CAMTA1: variants seen among roughly 807,000 people sequenced by gnomAD.
CAMTA1 encodes the protein calmodulin binding transcription activator 1, also known as calmodulin-binding transcription activator 1.
In CAMTA1, 27 loss-of-function variants were observed where a neutral mutation model predicts 170.9. The observed-to-expected ratio is 0.16, with a 90% CI of 0.12 to 0.22. The LOEUF (loss-of-function observed/expected upper bound fraction) is 0.22. CAMTA1 is among the 10% of genes least tolerant of loss of function. CAMTA1 has a pLI of 1.00. For synonymous variants in CAMTA1, 833 were observed against 891.5 expected (o/e 0.93, Z 1.17); for missense variants, 1,619 against 2,217.2 (o/e 0.73, Z 5.42).
rs1370391963 is a variant in CAMTA1 at position 6,970,711 on chromosome 1, A to T, written c.235-120593A>T. Among the ~76,000 whole-genome samples, 1 of 152,334 alleles carries T rather than the reference A, an allele frequency of 6.6e-6. No homozygotes were observed. Among genetic ancestry groups the T allele is most frequent in the South Asian group, 2.1e-4 (1 of 4,822 alleles). ...CTAGAGCACCTGTTCAGGACGTATCATCCAGTCCTGGTGGGTCAGGACATT... is the reference window on the plus strand; with the variant it reads ...CTAGAGCACCTGTTCAGGACGTATCTTCCAGTCCTGGTGGGTCAGGACATT... On this transcript the variant is annotated intron_variant, in intron 3 of 22. Coordinates refer to ENST00000303635, the MANE Select transcript of CAMTA1 (RefSeq NM_015215.4). The surrounding 1 kb of genome is among the most constrained non-coding windows in gnomAD (Gnocchi z 4.4).
intron 3 of CAMTA1, among the ~76,000 whole-genome samples, chr1:7,020,629 C>T (rs1434836021): frequency 1.3e-5 from 2 of 152,214 alleles, no homozygotes; most frequent in Admixed American, 6.5e-5. Context: ...GCTCATGCCC[C>T]TCTGAGGGCT....
intron 6 of CAMTA1, among the ~76,000 whole-genome samples, chr1:7,572,159 T>A (rs1315822298): frequency 6.6e-6 from 1 of 152,244 alleles, no homozygotes; most frequent in Non-Finnish European, 1.5e-5. Context: ...TTTGTTCATG[T>A]CCTTTTGCCT....
intron 3 of CAMTA1, among the ~76,000 whole-genome samples, chr1:7,055,263 A>G (rs936119057): frequency 6.6e-6 from 1 of 152,256 alleles, no homozygotes; most frequent in Non-Finnish European, 1.5e-5. Flanking sequence ...TGACCAGCAC[A>G]TAGTATTAAC....
At chr1:7,222,163 C>T (rs1243171461) in intron 4 of CAMTA1, among the ~76,000 whole-genome samples, 8 of 152,166 alleles carry the variant, frequency 5.3e-5, no homozygotes, top group Non-Finnish European at 1.2e-4. Flanking sequence ...CTAAATGAAA[C>T]ACTTTGGGGC....
chr1:7,608,215 A>C (rs2150645345), intron 6 of CAMTA1, among the ~76,000 whole-genome samples: 1 of 152,294 alleles, frequency 6.6e-6, no homozygotes, highest in Non-Finnish European at 1.5e-5. Flanking sequence ...AGGTGACCTG[A>C]GGAAGCTGAT....
chr1:7,243,755 A>G (rs1331592276), intron 4 of CAMTA1, among the ~76,000 whole-genome samples: 1 of 152,160 alleles, frequency 6.6e-6, no homozygotes, highest in Non-Finnish European at 1.5e-5. Flanking sequence ...TTTTTTTCCA[A>G]TTCTGTGAAG....
intron 5 of CAMTA1, among the ~76,000 whole-genome samples, chr1:7,259,675 C>T (rs1429008715): frequency 6.6e-6 from 1 of 152,240 alleles, no homozygotes; most frequent in African/African-American, 2.4e-5. Context: ...TATGACTTGA[C>T]TTCAAGCACC....
chr1:7,139,049 ATATTTATATTTATTATTTGTT>A (rs1192266327), intron 4 of CAMTA1, among the ~76,000 whole-genome samples: 2 of 143,578 alleles, frequency 1.4e-5, no homozygotes, highest in African/African-American at 5.1e-5. Flanking sequence ...TTATAAATAT[ATATTTATATTTATTATTTGTT>A]TATTTATATT....
At chr1:7,181,488 TA>T (rs2148889574) in intron 4 of CAMTA1, among the ~76,000 whole-genome samples, 1 of 152,308 alleles carries the variant, frequency 6.6e-6, no homozygotes, top group Admixed American at 6.5e-5. Context: ...GGGATAACCC[TA>T]GAGAATCAAT....
At chr1:6,885,961 T>C (rs1190767713) in intron 3 of CAMTA1, among the ~76,000 whole-genome samples, 20 of 152,208 alleles carry the variant, frequency 1.3e-4, no homozygotes, top group Non-Finnish European at 2.9e-5. Flanking sequence ...TGGTTCACTC[T>C]TACCCTGGGC....
chr1:7,704,861 C>G (rs1002254255), intron 11 of CAMTA1, among the ~76,000 whole-genome samples: 17 of 146,984 alleles, frequency 1.2e-4, no homozygotes, highest in African/African-American at 4.2e-4. Context: ...TCGGCGCAAG[C>G]CTGACGAGCA....
At chr1:7,571,285 T>C (rs2095122586) in intron 6 of CAMTA1, among the ~76,000 whole-genome samples, 1 of 152,198 alleles carries the variant, frequency 6.6e-6, no homozygotes, top group Non-Finnish European at 1.5e-5. Flanking sequence ...CTCTCAGGCC[T>C]TTTTTCTAAG....
At chr1:7,016,330 C>T (rs1700534269) in intron 3 of CAMTA1, among the ~76,000 whole-genome samples, 1 of 152,120 alleles carries the variant, frequency 6.6e-6, no homozygotes, top group South Asian at 2.1e-4. Flanking sequence ...TGTGCATGTC[C>T]TATGTCACTA....
chr1:7,231,555 T>G (rs1254738284), intron 4 of CAMTA1, among the ~76,000 whole-genome samples: 1 of 152,068 alleles, frequency 6.6e-6, no homozygotes, highest in African/African-American at 2.4e-5. Flanking sequence ...GTATTTTTGG[T>G]GGAGGCGGGG....
intron 3 of CAMTA1, among the ~76,000 whole-genome samples, chr1:7,059,159 C>T (rs1237499792): frequency 6.6e-6 from 1 of 152,206 alleles, no homozygotes; most frequent in Admixed American, 6.5e-5. Flanking sequence ...CCTCTCATTC[C>T]CAGATGTTTC....
chr1:6,966,199 A>G (rs566047915), intron 3 of CAMTA1, among the ~76,000 whole-genome samples: 2 of 152,310 alleles, frequency 1.3e-5, no homozygotes, highest in Non-Finnish European at 2.9e-5. Context: ...TGTAATTAAC[A>G]TATCACGCAA....
intron 6 of CAMTA1, among the ~76,000 whole-genome samples, chr1:7,502,738 G>A (rs963227667): frequency 1.3e-5 from 2 of 152,238 alleles, no homozygotes; most frequent in African/African-American, 4.8e-5. Context: ...ATTCAATGCC[G>A]ACGGAGATGT....
rs1453374080 is a variant in CAMTA1, at chr1:7,534,615, G to A, written c.510+66714G>A. ...TTGTCTGGCATGTCCTCGGCGGCAC[G>A]GGCTGTGGCCGCAGAAGGCCAGCAG... On this transcript the variant is annotated intron_variant, in intron 6 of 22. Coordinates refer to ENST00000303635, the MANE Select transcript of CAMTA1 (RefSeq NM_015215.4). The surrounding 1 kb of genome is among the most constrained non-coding windows in gnomAD (Gnocchi z 5.6). 6.6e-6 allele frequency among the ~76,000 whole-genome samples: 1 copy of A among 152,168 alleles called. No individual in the cohort carries two copies. The highest frequency in any genetic ancestry group is 1.5e-5 in the Non-Finnish European group (1 of 68,028).
rs540898482 is a variant in CAMTA1 at position 6,891,692 on chromosome 1, T to C, written c.234+66482T>C. Among the ~76,000 whole-genome samples the C allele has an allele frequency of 1.5e-3, 222 of 152,314 alleles. 8 individuals are homozygous for C. The South Asian group carries it at 0.044, about 30-fold the overall frequency. On this transcript the variant is annotated intron_variant, in intron 3 of 22. Coordinates refer to ENST00000303635, the MANE Select transcript of CAMTA1 (RefSeq NM_015215.4). ...AAAAAACAAAACAAAAAGTTTTTTATCTTCAGAAATAAGGAAAGAAGCTTA... is the reference window on the plus strand; with the variant it reads ...AAAAAACAAAACAAAAAGTTTTTTACCTTCAGAAATAAGGAAAGAAGCTTA...
Sources: allele counts gnomAD v4.1 joint callset (sites outside exome capture counted in the v4.1 genomes callset), GRCh38; gene constraint gnomAD v4.1.1; non-coding constraint Gnocchi (gnomAD v3.1); transcripts MANE v1.5; gene names NCBI Gene and HGNC (gene_info 2026-07-23, HGNC 2026-07-21).